Variants in EPHB1 observed in about 807,000 individuals in gnomAD.
The protein encoded by EPHB1 is ephrin type-B receptor 1.
EPHB1 carries 30 observed loss-of-function variants against 94.4 expected under a neutral mutation model. That is an observed-to-expected ratio of 0.32 (90% CI 0.24 to 0.43). The LOEUF is 0.43. Ranked by LOEUF, EPHB1 falls within the 20% of genes least tolerant of loss-of-function variation. The pLI, the probability that EPHB1 is intolerant of heterozygous loss-of-function variation, is 1.00. For synonymous variants in EPHB1, 522 were observed against 489.1 expected (o/e 1.07, Z -0.89); for missense variants, 1,055 against 1,308.3 (o/e 0.81, Z 2.99).
intron 2 of EPHB1, among the ~76,000 whole-genome samples, chr3:134,949,258 C>T (rs1932920231): frequency 6.6e-6 from 1 of 152,120 alleles, no homozygotes; most frequent in Non-Finnish European, 1.5e-5. Context: ...GGAACTGGCA[C>T]TCTAGGAGTC....
intron 12 of EPHB1, among the ~76,000 whole-genome samples, chr3:135,207,504 C>T (rs1216676394): frequency 2.6e-5 from 4 of 152,300 alleles, no homozygotes; most frequent in East Asian, 3.9e-4. Flanking sequence ...TAAGTGAGGA[C>T]TGGGGACATT....
intron 2 of EPHB1, among the ~76,000 whole-genome samples, chr3:134,947,922 C>G (rs1486900245): frequency 6.6e-6 from 1 of 152,176 alleles, no homozygotes; most frequent in Admixed American, 6.5e-5. Context: ...TCCTGAATAG[C>G]TGGTTCTACA....
At chr3:135,224,516 A>G (rs532720880) in intron 12 of EPHB1, among the ~76,000 whole-genome samples, 4 of 152,174 alleles carry the variant, frequency 2.6e-5, no homozygotes, top group African/African-American at 7.2e-5. Flanking sequence ...GTTTTGTCCA[A>G]TTTCTCCAAT....
At chr3:134,990,696 A>G (rs1934765044) in intron 3 of EPHB1, among the ~76,000 whole-genome samples, 2 of 152,210 alleles carry the variant, frequency 1.3e-5, no homozygotes, top group South Asian at 2.1e-4. Context: ...ATTCTCCTGT[A>G]TATTTTAAAT....
At chr3:135,052,529 C>T (rs1352115045) in intron 3 of EPHB1, among the ~76,000 whole-genome samples, 1 of 151,998 alleles carries the variant, frequency 6.6e-6, no homozygotes, top group Admixed American at 6.6e-5. Context: ...GTCATGGTGT[C>T]TCCAAGGATC....
chr3:135,211,722 C>T (rs948507531), intron 12 of EPHB1, among the ~76,000 whole-genome samples: 2 of 152,078 alleles, frequency 1.3e-5, no homozygotes, highest in Admixed American at 6.6e-5. Flanking sequence ...TATTCATATT[C>T]GTATACGCAT....
chr3:135,132,495 C>T (rs1451886779), intron 4 of EPHB1, among the ~76,000 whole-genome samples: 1 of 152,148 alleles, frequency 6.6e-6, no homozygotes, highest in Non-Finnish European at 1.5e-5. Context: ...GAAGAAAAGC[C>T]TCAGTGAAGA....
At chr3:135,183,676 A>G (rs923202668) in intron 10 of EPHB1, among the ~76,000 whole-genome samples, 1 of 152,098 alleles carries the variant, frequency 6.6e-6, no homozygotes, top group African/African-American at 2.4e-5. Context: ...GCAGGAGAGG[A>G]CTCAGGGAAG....
intron 3 of EPHB1, among the ~76,000 whole-genome samples, chr3:135,044,823 G>A (rs1326883564): frequency 1.3e-5 from 2 of 152,170 alleles, no homozygotes; most frequent in African/African-American, 2.4e-5. Flanking sequence ...CTCATTTCGA[G>A]TACATGTGAG....
intron 3 of EPHB1, among the ~76,000 whole-genome samples, chr3:134,958,919 T>C (rs114505527): frequency 6.6e-6 from 1 of 152,178 alleles, no homozygotes; most frequent in Non-Finnish European, 1.5e-5. Flanking sequence ...TGATCCTTTC[T>C]GCCTTTGAGA....
chr3:135,161,432 G>C (rs372569136), intron 6 of EPHB1, among the ~76,000 whole-genome samples: 12 of 152,222 alleles, frequency 7.9e-5, no homozygotes, highest in African/African-American at 2.7e-4. Flanking sequence ...GCAGAAGTAG[G>C]TGTGGAGGGC....
intron 1 of EPHB1, among the ~76,000 whole-genome samples, chr3:134,841,805 G>A (rs1000287290): frequency 1.6e-4 from 24 of 152,294 alleles, no homozygotes; most frequent in African/African-American, 4.1e-4. Flanking sequence ...GGGGTGATTG[G>A]TATAGTGTCT....
At chr3:134,834,030 G>T (rs2036627456) in intron 1 of EPHB1, among the ~76,000 whole-genome samples, 1 of 152,160 alleles carries the variant, frequency 6.6e-6, no homozygotes, top group Admixed American at 6.5e-5. Flanking sequence ...TGACACTTGG[G>T]TGGTGGAGGG....
chr3:135,151,555 C>G (rs1333056191), intron 5 of EPHB1, among the ~76,000 whole-genome samples: 1 of 152,134 alleles, frequency 6.6e-6, no homozygotes, highest in African/African-American at 2.4e-5. Context: ...TTTATTAGCT[C>G]TAGTCTCTGC....
chr3:134,895,251 A>G (rs2038066359), intron 1 of EPHB1, among the ~76,000 whole-genome samples: 1 of 152,164 alleles, frequency 6.6e-6, no homozygotes, highest in South Asian at 2.1e-4. Flanking sequence ...GTTGACACCC[A>G]CAGAGATCCA....
intron 3 of EPHB1, among the ~76,000 whole-genome samples, chr3:135,088,441 A>C (rs73864254): frequency 0.011 from 1,607 of 152,366 alleles, 25 homozygotes; most frequent in African/African-American, 0.037. Context: ...TAAGGAACAT[A>C]AAAATGAAAG....
At chr3:135,120,853 C>T (rs955643568) in intron 4 of EPHB1, among the ~76,000 whole-genome samples, 2 of 152,114 alleles carry the variant, frequency 1.3e-5, no homozygotes, top group Admixed American at 6.6e-5. Flanking sequence ...ATTATGACAA[C>T]TAGAAAAAAT....
intron 2 of EPHB1, among the ~76,000 whole-genome samples, chr3:134,935,421 G>C (rs776398982): frequency 1.3e-5 from 2 of 152,166 alleles, no homozygotes; most frequent in African/African-American, 2.4e-5. Flanking sequence ...AAAAGCTATA[G>C]AATAAGTTGG....
intron 1 of EPHB1, among the ~76,000 whole-genome samples, chr3:134,826,734 T>C (rs1468831403): frequency 6.6e-6 from 1 of 152,202 alleles, no homozygotes; most frequent in Non-Finnish European, 1.5e-5. Context: ...CAAAGTAGTT[T>C]GTAGAGCTCA....
Sources: gnomAD v4.1 joint callset for allele counts (sites outside exome capture counted in the v4.1 genomes callset) on GRCh38, gnomAD v4.1.1 for gene constraint, MANE v1.5 for transcripts, NCBI Gene and HGNC (gene_info 2026-07-23, HGNC 2026-07-21) for gene names.